The following LRRC15 variants were observed in gnomAD, a reference collection of about 807,000 sequenced individuals.
LRRC15 encodes the protein leucine rich repeat containing 15, also known as leucine-rich repeat-containing protein 15.
A neutral mutation model predicts 4.3 loss-of-function variants in LRRC15; 5 were observed. The observed-to-expected ratio is 1.16, with a 90% CI of 0.61 to 2.44. The LOEUF (loss-of-function observed/expected upper bound fraction) is 2.44, where lower values mean the gene tolerates loss of function less well. LRRC15 is among the 30% of genes most tolerant of loss of function. The pLI is 0.01. For synonymous variants in LRRC15, 337 were observed against 323.2 expected (o/e 1.04, Z -0.46); for missense variants, 769 against 747.0 (o/e 1.03, Z -0.34).
At chr3:194,361,144 T>A in intron 1 of LRRC15, 98 bp from the exon 2 acceptor site, 2 of 1,054,830 alleles carry the variant, frequency 1.9e-6, no homozygotes, top group Non-Finnish European at 2.6e-6. Flanking sequence ...CTGGCTTGGC[T>A]TTGAACCCCA....
intron 1 of LRRC15, among the ~76,000 whole-genome samples, chr3:194,368,308 C>G (rs1019839098): frequency 6.6e-6 from 1 of 152,128 alleles, no homozygotes; most frequent in Non-Finnish European, 1.5e-5. Context: ...TATTCTACCT[C>G]GCCTCACCAC....
At position 194,358,335 on chromosome 3, in the gene LRRC15, T is replaced by C. The variant is rs1713492179; in HGVS notation, c.*963A>G. 1.3e-5 allele frequency: 2 copies of C among 152,280 alleles called. No individual in the cohort carries two copies. The highest frequency in any genetic ancestry group is 1.9e-4 in the East Asian group (1 of 5,202). 9.4% of individuals were successfully genotyped at this position (152,280 alleles called of 1,614,324 possible). ...AAATCCACCAAGCCATACACTATCA[T>C]GTTCCCACTTTTCTGCACGTACACT... On this transcript the variant is annotated 3_prime_UTR_variant, in exon 2 of 2. Coordinates refer to ENST00000347624, the MANE Select transcript of LRRC15 (RefSeq NM_130830.5).
intron 1 of LRRC15, among the ~76,000 whole-genome samples, chr3:194,366,479 AC>A (rs1713783000): frequency 6.6e-6 from 1 of 152,056 alleles, no homozygotes; most frequent in South Asian, 2.1e-4. Flanking sequence ...TTCCCAAGTG[AC>A]TCCAATGCAG....
intron 1 of LRRC15, among the ~76,000 whole-genome samples, chr3:194,366,633 T>C (rs989607938): frequency 4.0e-5 from 6 of 151,756 alleles, no homozygotes; most frequent in African/African-American, 1.5e-4. Flanking sequence ...CCTGGCCCCA[T>C]CCCTCTACCA....
intron 1 of LRRC15, among the ~76,000 whole-genome samples, chr3:194,365,528 G>T (rs1037059233): frequency 2.0e-4 from 30 of 152,160 alleles, no homozygotes; most frequent in African/African-American, 6.8e-4. Flanking sequence ...TTCTACTCTG[G>T]TTGACACTAA....
Position 194,357,304 on chromosome 3 carries a change from G to A in LRRC15, c.*1994C>T, listed in dbSNP as rs943644965. On this transcript the variant is annotated 3_prime_UTR_variant, in exon 2 of 2. Transcript: ENST00000347624. Reference sequence around the variant, plus strand: ...CCAGATCACAGGTGTCTTGTGGAGCGGGGAGCTAATAAGAGCCGATCGGGA... The same window carrying A: ...CCAGATCACAGGTGTCTTGTGGAGCAGGGAGCTAATAAGAGCCGATCGGGA... The A allele has an allele frequency of 1.3e-5, 2 of 151,812 alleles. No homozygotes were observed. Among genetic ancestry groups the A allele is most frequent in the East Asian group, 1.9e-4 (1 of 5,178 alleles). The allele number at this position is 151,812 out of a possible 1,614,324, so 9.4% of individuals were successfully genotyped here. A position where few individuals can be genotyped will look rare whatever the true frequency, so the allele number is the denominator to read the frequency against.
Position 194,361,671 on chromosome 3 carries a change from A to G in LRRC15, c.-3-625T>C, listed in dbSNP as rs373441436. ...GCCACAAACACGGTAGCCTGCCGGG[A>G]GGTGCAGCAGCGGCGGCAGAGTTAG... is the stretch of plus-strand genomic sequence containing the variant. On this transcript the variant is annotated intron_variant, in intron 1 of 1. Coordinates refer to ENST00000347624, the MANE Select transcript of LRRC15 (RefSeq NM_130830.5). Among the ~76,000 whole-genome samples the G allele has an allele frequency of 9.8e-5, 15 of 152,306 alleles. No homozygotes were observed. In the East Asian group the frequency reaches 1.9e-3, roughly 20 times the overall value.
At position 194,359,752 on chromosome 3, in the gene LRRC15, A is replaced by T. The variant is rs1421093928; in HGVS notation, c.1292T>A (p.Ile431Asn). The change falls in exon 2 of 2, where the codon ATC becomes AAC. Residue 431 changes from isoleucine (I) to asparagine (N), a missense_variant. Coordinates refer to ENST00000347624, the MANE Select transcript of LRRC15 (RefSeq NM_130830.5). ...CAGGAGCCAGTTGCGGAGCGGAAGGATGTCTGAGTCACACCTCCAGGGATT... is the reference window on the plus strand; with the variant it reads ...CAGGAGCCAGTTGCGGAGCGGAAGGTTGTCTGAGTCACACCTCCAGGGATT... ...YDNPWRCDSD[I>N]LPLRNWLLLN... The T allele has an allele frequency of 3.1e-6, 5 of 1,614,002 alleles. No individual in the cohort carries two copies. The highest frequency in any genetic ancestry group is 1.7e-5 in the Admixed American group (1 of 59,998).
At chr3:194,361,598 G>C (rs2108658288) in intron 1 of LRRC15, among the ~76,000 whole-genome samples, 1 of 152,316 alleles carries the variant, frequency 6.6e-6, no homozygotes, top group East Asian at 1.9e-4. Context: ...GGAACACAAA[G>C]GCAATGGGAA....
Position 194,359,754 on chromosome 3 carries a change from G to A in LRRC15, c.1290C>T (p.Asp430=). The A allele has an allele frequency of 1.2e-6, 2 of 1,614,184 alleles. No homozygotes were observed. The highest frequency in any genetic ancestry group is 1.7e-6 in the Non-Finnish European group (2 of 1,180,034). ...GGAGCCAGTTGCGGAGCGGAAGGAT[G>A]TCTGAGTCACACCTCCAGGGATTGT... The part of the protein sequence containing the change: ...LYDNPWRCDS[D]ILPLRNWLLL... Residue 430 remains aspartate (D), a synonymous_variant, in exon 2 of 2, where the codon GAC becomes GAT. Transcript: ENST00000347624.
rs1713618060 is a variant in LRRC15, at chr3:194,361,124, A to G, written c.-3-78T>C. ...CAAGTTTTAAGCCAACATCAACTCC[A>G]GTGCCAATGCTGGCTTGGCTTTGAA... On this transcript the variant is annotated intron_variant, in intron 1 of 1. Coordinates refer to ENST00000347624, the MANE Select transcript of LRRC15 (RefSeq NM_130830.5). The G allele has an allele frequency of 5.6e-6, 7 of 1,261,002 alleles. No individual in the cohort carries two copies. The South Asian group carries it at 1.1e-4, about 20-fold the overall frequency. 78.1% of individuals were successfully genotyped at this position (1,261,002 alleles called of 1,614,324 possible). A position where few individuals can be genotyped will look rare whatever the true frequency, so the allele number is the denominator to read the frequency against.
chr3:194,360,675 G>A lies in LRRC15; in HGVS notation c.369C>T (p.Gly123=), dbSNP rs150579247. The change falls in exon 2 of 2, where the codon GGC becomes GGT. Residue 123 remains glycine, a synonymous_variant. Coordinates refer to ENST00000347624, the MANE Select transcript of LRRC15 (RefSeq NM_130830.5). ...GAAGGAGAGACTCGAGGCTGTCCAG[G>A]CCCTGGAAGAGGCCGATGGGCAGAA... ...LQVLPIGLFQ[G]LDSLESLLLS... 2.0e-4 allele frequency: 329 copies of A among 1,614,216 alleles called. No homozygotes were observed. In the African/African-American group the frequency reaches 4.0e-3, roughly 19 times the overall value.
At position 194,359,275 on chromosome 3, in the gene LRRC15, C is replaced by T; in HGVS notation, c.*23G>A. On this transcript the variant is annotated 3_prime_UTR_variant, in exon 2 of 2. Coordinates refer to ENST00000347624, the MANE Select transcript of LRRC15 (RefSeq NM_130830.5). The stretch of plus-strand genomic sequence containing the variant: ...CAGGTCCTCCAGTCCCATCATTCCC[C>T]AGCCCTGCTCCAGCCTGCCTCTTTA... 1 of 1,525,834 alleles carries T rather than the reference C, an allele frequency of 6.6e-7. No homozygotes were observed. 94.5% of individuals were successfully genotyped at this position (1,525,834 alleles called of 1,614,324 possible).
Position 194,360,337 on chromosome 3 carries a change from A to G in LRRC15, c.707T>C (p.Leu236Pro). The part of the protein sequence containing the change: ...LALQQNQIGL[L>P]SPGLFHNNHN... Reference sequence around the variant, plus strand: ...GTTGTTGTGGAAGAGACCAGGGGAGAGCAGTCCAATCTGGTTCTGCTGCAG... The same window carrying G: ...GTTGTTGTGGAAGAGACCAGGGGAGGGCAGTCCAATCTGGTTCTGCTGCAG... Residue 236 changes from leucine (L) to proline (P), a missense_variant, in exon 2 of 2, where the codon CTC becomes CCC. Physicochemically the swap from Leu to Pro is moderately conservative, Grantham distance 98. Coordinates refer to ENST00000347624, the MANE Select transcript of LRRC15 (RefSeq NM_130830.5). The G allele has an allele frequency of 6.2e-7, 1 of 1,613,992 alleles. No individual in the cohort carries two copies. Among genetic ancestry groups the G allele is most frequent in the Non-Finnish European group, 8.5e-7 (1 of 1,179,996 alleles).
chr3:194,357,353 A>AGGT lies in LRRC15; in HGVS notation c.*1942_*1944dup, dbSNP rs1427411619. ...GATTGGTGGTGGATTTCCAAAGCAC[A>AGGT]GGTGTCTTGTGGAGCGGGGAGCTAA... On this transcript the variant is annotated 3_prime_UTR_variant, in exon 2 of 2. Coordinates refer to ENST00000347624, the MANE Select transcript of LRRC15 (RefSeq NM_130830.5). 3 of 151,720 alleles carry AGGT rather than the reference A, an allele frequency of 2.0e-5. No individual in the cohort carries two copies. The highest frequency in any genetic ancestry group is 4.4e-5 in the Non-Finnish European group (3 of 67,946). The allele number at this position is 151,720 out of a possible 1,614,324, so 9.4% of individuals were successfully genotyped here. A position where few individuals can be genotyped will look rare whatever the true frequency, so the allele number is the denominator to read the frequency against.
At chr3:194,369,457 G>A (rs1288494626) in intron 1 of LRRC15, among the ~76,000 whole-genome samples, 1 of 152,220 alleles carries the variant, frequency 6.6e-6, no homozygotes, top group East Asian at 1.9e-4. Context: ...GGGGCTGGTG[G>A]TCCTGGTGTC....
At chr3:194,365,756 A>T (rs1352803838) in intron 1 of LRRC15, among the ~76,000 whole-genome samples, 2 of 151,996 alleles carry the variant, frequency 1.3e-5, no homozygotes, top group South Asian at 4.2e-4. Context: ...GGCCTGAGGA[A>T]CTCATGCCCA....
rs752705369 is a variant in LRRC15, at chr3:194,360,248, T to G, written c.796A>C (p.Met266Leu). The change falls in exon 2 of 2, where the codon ATG (methionine) becomes CTG (leucine). Residue 266 changes from methionine to leucine, a missense_variant. Coordinates refer to ENST00000347624, the MANE Select transcript of LRRC15 (RefSeq NM_130830.5). ...HISQLPPSVF[M>L]QLPQLNRLTL... ...AGACGGTTGAGCTGGGGCAGCTGCA[T>G]GAAGACGCTGGGTGGCAGCTGGGAG... is the stretch of plus-strand genomic sequence containing the variant. 1.2e-6 allele frequency: 2 copies of G among 1,613,642 alleles called. No homozygotes were observed.
chr3:194,365,258 C>T (rs998401651), intron 1 of LRRC15, among the ~76,000 whole-genome samples: 3 of 152,190 alleles, frequency 2.0e-5, no homozygotes, highest in South Asian at 4.1e-4. Flanking sequence ...CTCTCCTGGG[C>T]GCTCTGATGC....
Sources: allele counts gnomAD v4.1 joint callset (sites outside exome capture counted in the v4.1 genomes callset), GRCh38; gene constraint gnomAD v4.1.1; transcripts MANE v1.5; gene names NCBI Gene and HGNC (gene_info 2026-07-23, HGNC 2026-07-21).